Variants in GIT2 observed in about 807,000 individuals in gnomAD.
GIT2 encodes GIT ArfGAP 2, also known as ARF GTPase-activating protein GIT2.
A neutral mutation model predicts 100.3 loss-of-function variants in GIT2; 32 were observed. The observed-to-expected ratio is 0.32, with a 90% CI of 0.24 to 0.43. The LOEUF is 0.43. Among genes scored for constraint, GIT2 ranks in the 20% least tolerant of loss-of-function variants. The pLI is 1.00. For synonymous variants in GIT2, 353 were observed against 364.1 expected, an observed-to-expected ratio of 0.97 and a Z score of 0.35; for missense variants, 737 against 975.1, an observed-to-expected ratio of 0.76 and a Z score of 3.25.
intron 16 of GIT2, 50 bp from the exon 17 acceptor site, chr12:109,939,297 T>C (rs1292776700): frequency 9.9e-7 from 1 of 1,010,834 alleles, no homozygotes; most frequent in East Asian, 2.4e-5. Flanking sequence ...GAGACTCTTC[T>C]CAGGAGTCTT....
At chr12:109,944,472 T>C (rs1417766356) in intron 16 of GIT2, among the ~76,000 whole-genome samples, 5 of 152,272 alleles carry the variant, frequency 3.3e-5, no homozygotes, top group African/African-American at 1.2e-4. Context: ...CCACTCTTTA[T>C]GCATGAAAGT....
At position 109,996,191 on chromosome 12, in the gene GIT2, C is replaced by T; in HGVS notation, c.34G>A (p.Ala12Thr). Reference sequence around the variant, plus strand: ...GACTCACCCGGCCCGCTGCAGTCAGCGCACACCTCGCTGCTCCGGAGCCGT... The same window carrying T: ...GACTCACCCGGCCCGCTGCAGTCAGTGCACACCTCGCTGCTCCGGAGCCGT... ...SKRLRSSEVC[A>T]DCSGPDPSWA... The change falls in exon 1 of 20, where the codon GCT becomes ACT. Residue 12 changes from alanine (A) to threonine (T), a missense_variant. Physicochemically the swap from Ala to Thr is moderately conservative, Grantham distance 58 (BLOSUM62 0). Transcript: ENST00000355312. 1.3e-6 allele frequency: 2 copies of T among 1,530,240 alleles called. No individual in the cohort carries two copies. The highest frequency in any genetic ancestry group is 8.8e-7 in the Non-Finnish European group (1 of 1,138,516). 94.8% of individuals were successfully genotyped at this position (1,530,240 alleles called of 1,614,324 possible). A position where few individuals can be genotyped will look rare whatever the true frequency, so the allele number is the denominator to read the frequency against.
At chr12:109,987,165 G>A (rs927633861) in intron 4 of GIT2, among the ~76,000 whole-genome samples, 2 of 151,620 alleles carry the variant, frequency 1.3e-5, no homozygotes, top group Non-Finnish European at 2.9e-5. Flanking sequence ...GGAGGATCAC[G>A]AGGTCAGGAG....
At chr12:109,971,471 G>A (rs998920463) in intron 7 of GIT2, among the ~76,000 whole-genome samples, 38 of 151,560 alleles carry the variant, frequency 2.5e-4, no homozygotes, top group African/African-American at 8.2e-4. Context: ...GACTACAGGC[G>A]CCCACCACCA....
At chr12:109,995,590 G>A (rs960849342) in intron 1 of GIT2, among the ~76,000 whole-genome samples, 1 of 152,150 alleles carries the variant, frequency 6.6e-6, no homozygotes. Context: ...AACCCAGGCC[G>A]TTCAGATCCT....
At chr12:109,989,644 C>A in intron 3 of GIT2, 46 bp downstream of exon 3, 1 of 1,059,266 alleles carries the variant, frequency 9.4e-7, no homozygotes, top group South Asian at 1.3e-5. Flanking sequence ...TCAGTGGGCC[C>A]CATTTGTTAT....
intron 12 of GIT2, among the ~76,000 whole-genome samples, chr12:109,959,451 G>C (rs1008696887): frequency 2.6e-5 from 4 of 152,218 alleles, no homozygotes; most frequent in African/African-American, 9.6e-5. Context: ...TTACAGGGTA[G>C]GTTAAGTGTC....
chr12:109,951,121 T>A (rs1176902841), intron 14 of GIT2, 46 bp downstream of exon 14: 2 of 1,532,846 alleles, frequency 1.3e-6, no homozygotes, highest in South Asian at 2.2e-5. Flanking sequence ...TTCCTTGTAC[T>A]ATGGGATTAA....
chr12:109,948,698 T>C lies in GIT2; in HGVS notation c.1393-1194A>G. Reference sequence around the variant, plus strand: ...GCCAAGGTTTAAGTCCACAAGCAACTGTTTGCACCAGAAGATCATTACTTT... The same window carrying C: ...GCCAAGGTTTAAGTCCACAAGCAACCGTTTGCACCAGAAGATCATTACTTT... On this transcript the variant is annotated intron_variant, in intron 14 of 19. Coordinates refer to ENST00000355312, the MANE Select transcript of GIT2 (RefSeq NM_057169.5). This position sits in a 1 kb window ranked among gnomAD's most constrained non-coding sequence, Gnocchi z 4.3. The C allele has an allele frequency of 6.8e-7, 1 of 1,460,436 alleles. No homozygotes were observed. The highest frequency in any genetic ancestry group is 1.5e-5 in the South Asian group (1 of 68,168). 90.5% of individuals were successfully genotyped at this position (1,460,436 alleles called of 1,614,324 possible). A position where few individuals can be genotyped will look rare whatever the true frequency, so the allele number is the denominator to read the frequency against.
chr12:109,983,683 C>T lies in GIT2; in HGVS notation c.417G>A (p.Ser139=), dbSNP rs140917075. ...TTTCAAGATTCCCTGTTCTCACGCT[C>T]GAATGGAGTTGCTGAAAAACGCAGA... ...TAKDLSKQLH[S]SVRTGNLETC... is the part of the protein sequence containing the mutation. The change falls in exon 5 of 20, where the codon TCG becomes TCA. Residue 139 remains serine, a synonymous_variant. Coordinates refer to ENST00000355312, the MANE Select transcript of GIT2 (RefSeq NM_057169.5). 2.9e-5 allele frequency: 46 copies of T among 1,611,494 alleles called. No homozygotes were observed. Among genetic ancestry groups the T allele is most frequent in the African/African-American group, 1.6e-4 (12 of 74,768 alleles).
chr12:109,964,620 GACACAC>G (rs58007337), intron 9 of GIT2, among the ~76,000 whole-genome samples: 9,155 of 118,802 alleles, frequency 0.077, 317 homozygotes, highest in Admixed American at 0.1. Context: ...TTAATCTAAA[GACACAC>G]ACACACACAC....
Position 109,959,840 on chromosome 12 carries a change from C to A in GIT2, c.1099+7G>T, listed in dbSNP as rs1275444493. The A allele has an allele frequency of 2.6e-6, 4 of 1,538,292 alleles. No homozygotes were observed. Among genetic ancestry groups the A allele is most frequent in the Non-Finnish European group, 3.6e-6 (4 of 1,111,274 alleles). ...AAATGCAAGTGTTTGGAGGTTTGAG[C>A]AGTTACCTTTTGAACCCGAGAGAGA... On this transcript the variant is annotated splice_region_variant and intron_variant, in intron 12 of 19. Transcript: ENST00000355312.
At chr12:109,960,016 G>T in intron 11 of GIT2, 58 bp from the exon 12 acceptor site, 1 of 1,141,956 alleles carries the variant, frequency 8.8e-7, no homozygotes, top group Non-Finnish European at 1.3e-6. Flanking sequence ...TACATAAATA[G>T]TCACATAAAA....
chr12:109,963,973 G>A (rs1291716108), intron 9 of GIT2, among the ~76,000 whole-genome samples: 1 of 152,188 alleles, frequency 6.6e-6, no homozygotes, highest in Non-Finnish European at 1.5e-5. Context: ...CAGCTCTGGA[G>A]AGCTATACTA....
chr12:109,950,776 G>A (rs1877626938), intron 14 of GIT2: 1 of 168,104 alleles, frequency 5.9e-6, no homozygotes, highest in African/African-American at 2.4e-5. Context: ...GGTGGGAGCA[G>A]GGTTTGAATG....
chr12:109,989,812 A>T lies in GIT2; in HGVS notation c.187-10T>A, dbSNP rs1335397298. On this transcript the variant is annotated splice_polypyrimidine_tract_variant and intron_variant, in intron 2 of 19. Transcript: ENST00000355312. The stretch of plus-strand genomic sequence containing the variant: ...ACAAGGTCTCAACCATCTAAAACCA[A>T]GCAGGATGACATAAGACTTTAATTT... 1 of 1,374,620 alleles carries T rather than the reference A, an allele frequency of 7.3e-7. No individual in the cohort carries two copies. The highest frequency in any genetic ancestry group is 1.4e-5 in the African/African-American group (1 of 70,430). The allele number at this position is 1,374,620 out of a possible 1,614,324, so 85.2% of individuals were successfully genotyped here.
intron 7 of GIT2, among the ~76,000 whole-genome samples, chr12:109,975,511 G>A (rs1884834475): frequency 6.6e-6 from 1 of 152,028 alleles, no homozygotes; most frequent in Non-Finnish European, 1.5e-5. Context: ...ATAGCTCCCA[G>A]CCCCTTTTGT....
intron 3 of GIT2, 38 bp from the exon 4 acceptor site, chr12:109,989,106 C>A: frequency 8.6e-7 from 1 of 1,168,918 alleles, no homozygotes; most frequent in South Asian, 1.2e-5. Flanking sequence ...TTCACTCGTT[C>A]AGATACAACA....
intron 7 of GIT2, among the ~76,000 whole-genome samples, chr12:109,980,673 G>A (rs1396899849): frequency 1.3e-5 from 2 of 152,078 alleles, no homozygotes; most frequent in African/African-American, 4.8e-5. Flanking sequence ...CAAGAACTGT[G>A]GTACCCATTC....
Sources: gnomAD v4.1 joint callset for allele counts (sites outside exome capture counted in the v4.1 genomes callset) on GRCh38, gnomAD v4.1.1 for gene constraint, Gnocchi (gnomAD v3.1) non-coding constraint, MANE v1.5 for transcripts, NCBI Gene and HGNC (gene_info 2026-07-23, HGNC 2026-07-21) for gene names.